The following LRFN2 variants were observed in gnomAD, a reference collection of about 807,000 sequenced individuals.
LRFN2 encodes the protein leucine-rich repeat and fibronectin type-III domain-containing protein 2.
A neutral mutation model predicts 37.3 loss-of-function variants in LRFN2; 18 were observed. The ratio of observed to expected loss-of-function variants is 0.48; its 90% confidence interval spans 0.33 to 0.72. The LOEUF (loss-of-function observed/expected upper bound fraction) is 0.72, where lower values mean the gene tolerates loss of function less well. LRFN2 is among the 30% of genes least tolerant of loss of function. The pLI is 0.02. For missense variants in LRFN2, 1,006 were observed against 1,060.7 expected, an observed-to-expected ratio of 0.95 and a Z score of 0.72; for synonymous variants, 556 against 466.6, an observed-to-expected ratio of 1.19 and a Z score of -2.47.
At chr6:40,429,265 C>T (rs1016132202) in intron 2 of LRFN2, among the ~76,000 whole-genome samples, 4 of 152,296 alleles carry the variant, frequency 2.6e-5, no homozygotes, top group Admixed American at 2.6e-4. Context: ...AAGCCCTGTC[C>T]TCCTCCTCCC....
At chr6:40,557,194 C>T (rs1766906590) in intron 1 of LRFN2, among the ~76,000 whole-genome samples, 1 of 152,166 alleles carries the variant, frequency 6.6e-6, no homozygotes, top group Non-Finnish European at 1.5e-5. Flanking sequence ...GCGAGGTCTC[C>T]ATGAGTCCAG....
At chr6:40,566,319 C>T (rs1203741251) in intron 1 of LRFN2, among the ~76,000 whole-genome samples, 6 of 152,264 alleles carry the variant, frequency 3.9e-5, no homozygotes, top group East Asian at 3.9e-4. Context: ...TGTGGAAGTC[C>T]GTGTGGCGAT....
At chr6:40,539,363 C>T (rs1766509652) in intron 1 of LRFN2, among the ~76,000 whole-genome samples, 1 of 152,172 alleles carries the variant, frequency 6.6e-6, no homozygotes, top group Non-Finnish European at 1.5e-5. Flanking sequence ...TGGCAGCTGA[C>T]AAGGGTTCAG....
chr6:40,464,764 A>T (rs1187254252), intron 1 of LRFN2, among the ~76,000 whole-genome samples: 1 of 152,062 alleles, frequency 6.6e-6, no homozygotes, highest in South Asian at 2.1e-4. Flanking sequence ...AAAAATGCAG[A>T]AGAGTTATTC....
intron 1 of LRFN2, among the ~76,000 whole-genome samples, chr6:40,560,499 T>C (rs147675308): frequency 2.3e-4 from 35 of 152,318 alleles, no homozygotes; most frequent in Non-Finnish European, 4.0e-4. Flanking sequence ...TCTGTAGTAG[T>C]TGCTGGCCTG....
chr6:40,391,989 C>T lies in LRFN2; in HGVS notation c.2324G>A (p.Arg775Gln), dbSNP rs146316351. ...CCATTCGGAGCTGCCAAAAGTCCCC[C>T]GGGCCCCCACCAGGTCACTCTCCTC... ...PFEESDLVGA[R>Q]GTFGSSEWVM... Residue 775 changes from arginine to glutamine, a missense_variant, in exon 3 of 3, where the codon CGG becomes CAG. Coordinates refer to ENST00000338305, the MANE Select transcript of LRFN2 (RefSeq NM_020737.3). The T allele has an allele frequency of 7.2e-5, 115 of 1,602,918 alleles. No individual in the cohort carries two copies. In the African/African-American group the frequency reaches 1.2e-3, roughly 17 times the overall value.
intron 2 of LRFN2, among the ~76,000 whole-genome samples, chr6:40,400,588 T>G (rs1762718526): frequency 6.6e-6 from 1 of 151,468 alleles, no homozygotes; most frequent in Non-Finnish European, 1.5e-5. Context: ...ACCTGGCTAA[T>G]TTTTGTATTT....
At chr6:40,490,553 C>T (rs1765066679) in intron 1 of LRFN2, among the ~76,000 whole-genome samples, 1 of 152,230 alleles carries the variant, frequency 6.6e-6, no homozygotes, top group Non-Finnish European at 1.5e-5. Context: ...AAATTCTTTC[C>T]TCTTTGCCCC....
chr6:40,412,668 C>T (rs1762998377), intron 2 of LRFN2, among the ~76,000 whole-genome samples: 3 of 152,208 alleles, frequency 2.0e-5, no homozygotes, highest in Admixed American at 2.0e-4. Flanking sequence ...CTCATTCACT[C>T]ATCCAAGAAA....
At chr6:40,567,845 C>A (rs1767116874) in intron 1 of LRFN2, among the ~76,000 whole-genome samples, 1 of 152,104 alleles carries the variant, frequency 6.6e-6, no homozygotes, top group African/African-American at 2.4e-5. Context: ...TGAGGCGGCA[C>A]CAGCAGGCAT....
Position 40,556,813 on chromosome 6 carries a change from T to A in LRFN2, c.-19+30128A>T, listed in dbSNP as rs147960401. On this transcript the variant is annotated intron_variant, in intron 1 of 2. Coordinates refer to ENST00000338305, the MANE Select transcript of LRFN2 (RefSeq NM_020737.3). Reference sequence around the variant, plus strand: ...GGATGGCTGATTTCTTGAACTCCTGTTCCCCTGTCTGAGTGACCCCAAGTT... The same window carrying A: ...GGATGGCTGATTTCTTGAACTCCTGATCCCCTGTCTGAGTGACCCCAAGTT... Among the ~76,000 whole-genome samples the A allele has an allele frequency of 1.6e-4, 24 of 151,964 alleles. No homozygotes were observed. In the East Asian group the frequency reaches 3.9e-3, roughly 25 times the overall value.
intron 1 of LRFN2, among the ~76,000 whole-genome samples, chr6:40,493,520 C>T (rs1765144448): frequency 6.6e-6 from 1 of 152,176 alleles, no homozygotes; most frequent in Non-Finnish European, 1.5e-5. Flanking sequence ...CCTGGACATG[C>T]TCGCCCATAC....
At chr6:40,562,055 C>A (rs138661763) in intron 1 of LRFN2, among the ~76,000 whole-genome samples, 29 of 152,292 alleles carry the variant, frequency 1.9e-4, no homozygotes, top group Middle Eastern at 3.4e-3. Context: ...GATTAGAGAG[C>A]ATAGAATCTG....
intron 1 of LRFN2, among the ~76,000 whole-genome samples, chr6:40,506,214 G>A (rs967544735): frequency 9.2e-5 from 14 of 152,162 alleles, no homozygotes; most frequent in African/African-American, 2.7e-4. Context: ...GTCTACACCC[G>A]CTTCCCTCCC....
intron 1 of LRFN2, among the ~76,000 whole-genome samples, chr6:40,560,988 C>T (rs35283682): frequency 0.47 from 71,882 of 151,718 alleles, 18,018 homozygotes; most frequent in African/African-American, 0.64. Context: ...GTGGAGTGTC[C>T]ATCTGTGCTA....
intron 1 of LRFN2, among the ~76,000 whole-genome samples, chr6:40,550,460 G>A (rs1766754375): frequency 6.6e-6 from 1 of 152,120 alleles, no homozygotes; most frequent in Admixed American, 6.6e-5. Flanking sequence ...TCATCCAGTA[G>A]GGGGCATCCG....
chr6:40,419,102 C>G (rs1015826026), intron 2 of LRFN2, among the ~76,000 whole-genome samples: 26 of 152,212 alleles, frequency 1.7e-4, no homozygotes, highest in African/African-American at 4.6e-4. Context: ...CATGCTTGCT[C>G]AGGTTTGAGA....
intron 2 of LRFN2, among the ~76,000 whole-genome samples, chr6:40,394,670 C>T (rs1689448955): frequency 6.6e-6 from 1 of 152,144 alleles, no homozygotes. Context: ...TTGGCTGTGT[C>T]CCCACCCAAA....
chr6:40,522,968 G>A (rs1452238652), intron 1 of LRFN2, among the ~76,000 whole-genome samples: 1 of 152,194 alleles, frequency 6.6e-6, no homozygotes. Context: ...AATAAGGGAA[G>A]GACAGACACA....
Sources: gnomAD v4.1 joint callset for allele counts (sites outside exome capture counted in the v4.1 genomes callset) on GRCh38, gnomAD v4.1.1 for gene constraint, MANE v1.5 for transcripts, NCBI Gene and HGNC (gene_info 2026-07-23, HGNC 2026-07-21) for gene names.